The following ANO3 variants were observed in gnomAD, a reference collection of about 807,000 sequenced individuals.
ANO3 encodes the protein anoctamin-3.
A neutral mutation model predicts 144.8 loss-of-function variants in ANO3; 99 were observed. The ratio of observed to expected loss-of-function variants is 0.68; its 90% CI spans 0.58 to 0.81. The LOEUF (loss-of-function observed/expected upper bound fraction) is 0.81. Among genes scored for constraint, ANO3 ranks in the 30% least tolerant of loss-of-function variants. ANO3 has a pLI of 0.00. For missense variants in ANO3, 905 were observed against 1,202.2 expected, an observed-to-expected ratio of 0.75 and a Z score of 3.66; for synonymous variants, 414 against 392.6, an observed-to-expected ratio of 1.05 and a Z score of -0.64.
chr11:26,435,096 C>A (rs568130685), intron 1 of ANO3, among the ~76,000 whole-genome samples: 3 of 152,004 alleles, frequency 2.0e-5, no homozygotes, highest in Non-Finnish European at 2.9e-5. Context: ...TGAATCTGGG[C>A]GCTCCTATTT....
At chr11:26,631,136 G>A (rs893996290) in intron 18 of ANO3, among the ~76,000 whole-genome samples, 1 of 151,966 alleles carries the variant, frequency 6.6e-6, no homozygotes, top group East Asian at 1.9e-4. Flanking sequence ...GTTTAGTAAT[G>A]TTAATCTCTT....
At chr11:26,647,628 C>T (rs1386869610) in intron 23 of ANO3, 81 bp from the exon 24 acceptor site, 1 of 1,370,486 alleles carries the variant, frequency 7.3e-7, no homozygotes, top group South Asian at 1.4e-5. Flanking sequence ...ATAAGTAAAA[C>T]ATTATTTCCA....
At chr11:26,635,493 A>G (rs4396242) in intron 20 of ANO3, among the ~76,000 whole-genome samples, 50,934 of 152,088 alleles carry the variant, frequency 0.33, 9,369 homozygotes, top group South Asian at 0.47. Context: ...ATTGATTTAC[A>G]ATATGTATGT....
At chr11:26,654,296 T>C (rs1240194775) in intron 24 of ANO3, among the ~76,000 whole-genome samples, 1 of 152,138 alleles carries the variant, frequency 6.6e-6, no homozygotes, top group Non-Finnish European at 1.5e-5. Context: ...TGTGGTTTGG[T>C]TGTTTGTTTT....
chr11:26,541,945 A>G lies in ANO3; in HGVS notation c.1033-2A>G, dbSNP rs1359313894. On this transcript the variant is annotated splice_acceptor_variant, in intron 10 of 26. Transcript: ENST00000256737. LOFTEE classifies it high-confidence loss of function. ...AAATGTATCTTACTTTATCTGTTGC[A>G]GGGAGCCTACAAAAGTAGCCAGCCC... is the stretch of plus-strand genomic sequence containing the variant. 6.2e-7 allele frequency: 1 copy of G among 1,609,580 alleles called. No homozygotes were observed. The highest frequency in any genetic ancestry group is 8.5e-7 in the Non-Finnish European group (1 of 1,177,848).
intron 7 of ANO3, among the ~76,000 whole-genome samples, chr11:26,527,665 A>C (rs1849198792): frequency 6.6e-6 from 1 of 152,166 alleles, no homozygotes; most frequent in Admixed American, 6.6e-5. Flanking sequence ...GGTACATATT[A>C]GGGGATAAAT....
chr11:26,335,402 T>C (rs922827532), intron 1 of ANO3, among the ~76,000 whole-genome samples: 2 of 152,274 alleles, frequency 1.3e-5, no homozygotes, highest in African/African-American at 4.8e-5. Context: ...CTTGCCTTTT[T>C]TTTTCTTTTG....
rs200696532 is a variant in ANO3 at position 26,561,205 on chromosome 11, G to T, written c.1447+1426G>T. The stretch of plus-strand genomic sequence containing the variant: ...CCAAAACTCACATCATAAGGTTCCG[G>T]TGCATTGTCTAATCGCAGAACTAAA... On this transcript the variant is annotated intron_variant, in intron 14 of 26. Coordinates refer to ENST00000256737, the MANE Select transcript of ANO3 (RefSeq NM_031418.4). 3.1e-6 allele frequency: 5 copies of T among 1,609,412 alleles called. No individual in the cohort carries two copies. The highest frequency in any genetic ancestry group is 4.2e-6 in the Non-Finnish European group (5 of 1,177,818).
intron 1 of ANO3, among the ~76,000 whole-genome samples, chr11:26,418,253 G>C (rs1473100053): frequency 6.6e-6 from 1 of 152,062 alleles, no homozygotes; most frequent in Non-Finnish European, 1.5e-5. Flanking sequence ...AGACTAGTCA[G>C]GGTATGTTTG....
At chr11:26,407,887 A>C (rs1317283604) in intron 1 of ANO3, among the ~76,000 whole-genome samples, 1 of 151,846 alleles carries the variant, frequency 6.6e-6, no homozygotes, top group African/African-American at 2.4e-5. Context: ...TCTCACATAC[A>C]GATGTTACTA....
intron 13 of ANO3, among the ~76,000 whole-genome samples, chr11:26,556,915 C>G (rs1299551696): frequency 3.9e-5 from 6 of 152,066 alleles, no homozygotes; most frequent in Non-Finnish European, 8.8e-5. Flanking sequence ...TTTTTCAGAG[C>G]CTTATGTTTT....
rs889939692 is a variant in ANO3 at position 26,656,433 on chromosome 11, A to G, written c.2715A>G (p.Gln905=). The G allele has an allele frequency of 1.2e-6, 2 of 1,612,736 alleles. No individual in the cohort carries two copies. The highest frequency in any genetic ancestry group is 1.7e-5 in the Admixed American group (1 of 59,988). ...CCAAACCCTATGAGTTTACTTTACA[A>G]TACTGGCATATCCTTGCTGCTAGAT... The part of the protein sequence containing the change: ...WSSKPYEFTL[Q]YWHILAARLA... Residue 905 remains glutamine (Q), a synonymous_variant, in exon 26 of 27, where the codon CAA becomes CAG. Coordinates refer to ENST00000256737, the MANE Select transcript of ANO3 (RefSeq NM_031418.4).
chr11:26,435,423 G>A (rs993210684), intron 1 of ANO3, among the ~76,000 whole-genome samples: 2 of 152,016 alleles, frequency 1.3e-5, no homozygotes, highest in Admixed American at 1.3e-4. Flanking sequence ...AATCTTTCAG[G>A]TGTTCTCAGT....
chr11:26,561,324 TA>T, intron 14 of ANO3: 1 of 828,096 alleles, frequency 1.2e-6, no homozygotes, highest in Non-Finnish European at 1.7e-6. Flanking sequence ...GATGAGAAAA[TA>T]AATATATTTT....
chr11:26,598,961 C>T lies in ANO3; in HGVS notation c.1634C>T (p.Thr545Ile), dbSNP rs1851718217. Residue 545 changes from threonine (T) to isoleucine (I), a missense_variant, in exon 16 of 27, where the codon ACT (threonine) becomes ATT (isoleucine). Thr to Ile is a moderately conservative substitution (Grantham distance 89, BLOSUM62 -1). Around this residue, in one of 4 missense-constraint regions of ANO3, gnomAD observed 597 missense variants for 865.1 expected, o/e 0.69. Transcript: ENST00000256737. Reference protein sequence around the residue: ...EPHQPSSDKVTRLLVSVSGIF... With the variant: ...EPHQPSSDKVIRLLVSVSGIF... The stretch of plus-strand genomic sequence containing the variant: ...CATCAGCCTTCCTCAGACAAAGTCA[C>T]TCGTCTTCTTGTTTCTGTCTCAGGA... 6 of 1,613,890 alleles carry T rather than the reference C, an allele frequency of 3.7e-6. No individual in the cohort carries two copies. The highest frequency in any genetic ancestry group is 5.1e-6 in the Non-Finnish European group (6 of 1,179,962).
intron 18 of ANO3, among the ~76,000 whole-genome samples, chr11:26,633,340 C>G (rs572004162): frequency 1.3e-5 from 2 of 152,048 alleles, no homozygotes; most frequent in African/African-American, 4.8e-5. Flanking sequence ...CTATAGATGA[C>G]CAAACTGACT....
intron 1 of ANO3, among the ~76,000 whole-genome samples, chr11:26,355,724 T>C (rs527884549): frequency 6.6e-6 from 1 of 152,142 alleles, no homozygotes; most frequent in Admixed American, 6.5e-5. Flanking sequence ...CACGCCTGGC[T>C]AATTTTTGTA....
chr11:26,253,831 T>C (rs1349871636), intron 1 of ANO3, among the ~76,000 whole-genome samples: 1 of 152,098 alleles, frequency 6.6e-6, no homozygotes, highest in Non-Finnish European at 1.5e-5. Flanking sequence ...TGTGTTAGAG[T>C]GTGTCCATGC....
At chr11:26,498,104 A>T (rs1861039746) in intron 4 of ANO3, among the ~76,000 whole-genome samples, 1 of 151,926 alleles carries the variant, frequency 6.6e-6, no homozygotes, top group Admixed American at 6.6e-5. Context: ...TGTCTTTTAG[A>T]CCTCATGGAA....
Sources: gnomAD v4.1 joint callset for allele counts (sites outside exome capture counted in the v4.1 genomes callset) on GRCh38, gnomAD v4.1.1 for gene constraint, gnomAD v4.1.1 regional missense constraint, MANE v1.5 for transcripts, NCBI Gene and HGNC (gene_info 2026-07-23, HGNC 2026-07-21) for gene names.